The following DEPDC5 variants were observed in gnomAD, a reference collection of about 807,000 sequenced individuals.
DEPDC5 encodes the protein GATOR1 complex protein DEPDC5.
A neutral mutation model predicts 217.3 loss-of-function variants in DEPDC5; 73 were observed. The ratio of observed to expected loss-of-function variants is 0.34; its 90% CI spans 0.28 to 0.41. The LOEUF (loss-of-function observed/expected upper bound fraction) is 0.41. Among genes scored for constraint, DEPDC5 ranks in the 10% least tolerant of loss-of-function variants. The pLI, the probability that DEPDC5 is intolerant of heterozygous loss-of-function variation, is 1.00. For missense variants in DEPDC5, 1,675 were observed against 2,070.1 expected, an observed-to-expected ratio of 0.81 and a Z score of 3.70; for synonymous variants, 733 against 756.7, an observed-to-expected ratio of 0.97 and a Z score of 0.51.
intron 38 of DEPDC5, among the ~76,000 whole-genome samples, chr22:31,883,567 ATCT>A (rs2093233721): frequency 6.6e-6 from 1 of 152,190 alleles, no homozygotes. Context: ...AGAGCAGAAA[ATCT>A]TCATTAATCT....
At chr22:31,792,213 C>T in intron 11 of DEPDC5, 111 bp downstream of exon 11, 1 of 766,314 alleles carries the variant, frequency 1.3e-6, no homozygotes, top group South Asian at 1.6e-5. Context: ...CCCTTCCCAT[C>T]TTTTCTGTTA....
intron 10 of DEPDC5, among the ~76,000 whole-genome samples, chr22:31,790,327 A>G (rs917161668): frequency 6.6e-6 from 1 of 152,184 alleles, no homozygotes; most frequent in Admixed American, 6.5e-5. Flanking sequence ...TTGTCTTCAG[A>G]GACCCAGGAG....
intron 31 of DEPDC5, among the ~76,000 whole-genome samples, chr22:31,855,522 G>A (rs1427772003): frequency 6.6e-6 from 1 of 151,390 alleles, no homozygotes; most frequent in Non-Finnish European, 1.5e-5. Context: ...GACTACAGGC[G>A]CCCGCCACAA....
At position 31,855,247 on chromosome 22, in the gene DEPDC5, G is replaced by A. The variant is rs193021195; in HGVS notation, c.3156-2198G>A. The stretch of plus-strand genomic sequence containing the variant: ...CAAAGTCCTGGGATAACAGGTGTGA[G>A]CCACTGTGCCCAGCTAAAAAAATTT... On this transcript the variant is annotated intron_variant, in intron 31 of 42. Transcript: ENST00000651528. Among the ~76,000 whole-genome samples the A allele has an allele frequency of 1.5e-3, 228 of 152,246 alleles. 1 individual carries two copies. The highest frequency in any genetic ancestry group is 2.7e-3 in the Non-Finnish European group (182 of 68,012).
rs749028698 is a variant in DEPDC5 at position 31,819,177 on chromosome 22, A to G, written c.1822A>G (p.Met608Val). 3 of 1,614,166 alleles carry G rather than the reference A, an allele frequency of 1.9e-6. No individual in the cohort carries two copies. ...INPFAPSRMPMKLTSNRRRWM... is the reference protein window; with the variant it reads ...INPFAPSRMPVKLTSNRRRWM... ...CCCCTTCGCTCCCTCTCGGATGCCC[A>G]TGAAGCTTACGTCCAACAGAAGGCG... is the stretch of plus-strand genomic sequence containing the variant. The change falls in exon 22 of 43, where the codon ATG becomes GTG. Residue 608 changes from methionine to valine, a missense_variant. Around this residue, in one of 11 missense-constraint regions of DEPDC5, gnomAD observed 628 missense variants for 762.1 expected, o/e 0.82. Transcript: ENST00000651528.
chr22:31,891,781 G>T lies in DEPDC5; in HGVS notation c.4034-1801G>T, dbSNP rs145236468. On this transcript the variant is annotated intron_variant, in intron 38 of 42. Transcript: ENST00000651528. ...ATCTCTTAAGACTGTGCCTCAGGGA[G>T]GCAAAAAACAAACAGAAACCCTAGG... 2.5e-3 allele frequency among the ~76,000 whole-genome samples: 380 copies of T among 152,278 alleles called. 1 individual carries two copies. Among genetic ancestry groups the T allele is most frequent in the African/African-American group, 8.9e-3 (370 of 41,558 alleles).
intron 32 of DEPDC5, among the ~76,000 whole-genome samples, chr22:31,859,842 A>T (rs2092449617): frequency 6.6e-6 from 1 of 152,222 alleles, no homozygotes; most frequent in African/African-American, 2.4e-5. Context: ...GCTGACCATG[A>T]GTCTTTTCAC....
At chr22:31,866,894 C>T (rs1287990542) in intron 33 of DEPDC5, among the ~76,000 whole-genome samples, 1 of 152,238 alleles carries the variant, frequency 6.6e-6, no homozygotes, top group Non-Finnish European at 1.5e-5. Flanking sequence ...TCACTGGCGA[C>T]GATAATCTTC....
intron 26 of DEPDC5, 68 bp downstream of exon 26, chr22:31,837,223 C>T (rs2091071581): frequency 6.5e-7 from 1 of 1,533,000 alleles, no homozygotes; most frequent in Admixed American, 1.8e-5. Flanking sequence ...ACACATGCAT[C>T]AGAACACTGG....
chr22:31,766,806 G>T, intron 6 of DEPDC5, 138 bp downstream of exon 6: 3 of 708,242 alleles, frequency 4.2e-6, no homozygotes, highest in East Asian at 2.8e-5. Flanking sequence ...CGTCTTCTGT[G>T]TTCTTCCATT....
rs986618805 is a variant in DEPDC5, at chr22:31,864,934, A to G, written c.3330+3501A>G. 3.3e-5 allele frequency among the ~76,000 whole-genome samples: 5 copies of G among 151,776 alleles called. No individual in the cohort carries two copies. In the East Asian group the frequency reaches 9.7e-4, roughly 29 times the overall value. ...TCCAACTCCTGACCTCAAGTGATCC[A>G]CCCGCCTTGGCCTCCCAAAGTGCTG... On this transcript the variant is annotated intron_variant, in intron 33 of 42. Transcript: ENST00000651528.
At chr22:31,863,319 A>C (rs2092578735) in intron 33 of DEPDC5, among the ~76,000 whole-genome samples, 1 of 152,164 alleles carries the variant, frequency 6.6e-6, no homozygotes, top group African/African-American at 2.4e-5. Flanking sequence ...GGTGTGCACC[A>C]CAACGCCCGG....
chr22:31,851,214 A>T (rs2092010623), intron 31 of DEPDC5, among the ~76,000 whole-genome samples: 1 of 152,188 alleles, frequency 6.6e-6, no homozygotes, highest in African/African-American at 2.4e-5. Flanking sequence ...CAGTCATGCT[A>T]GCTGGCTGGC....
At chr22:31,882,055 G>A (rs2093191083) in intron 38 of DEPDC5, among the ~76,000 whole-genome samples, 1 of 151,858 alleles carries the variant, frequency 6.6e-6, no homozygotes, top group Non-Finnish European at 1.5e-5. Context: ...AACAAAGGTG[G>A]AGTGGGGAAA....
At chr22:31,903,756 TC>T (rs1353965464) in intron 41 of DEPDC5, among the ~76,000 whole-genome samples, 1 of 146,748 alleles carries the variant, frequency 6.8e-6, no homozygotes, top group East Asian at 2.1e-4. Flanking sequence ...TCTCCCCTGT[TC>T]CACACCTGTC....
intron 26 of DEPDC5, 197 bp downstream of exon 26, chr22:31,837,352 C>CA: frequency 1.8e-6 from 1 of 544,510 alleles, no homozygotes; most frequent in Non-Finnish European, 3.0e-6. Context: ...TTTTTTTTTC[C>CA]TTTTTTTTTT....
intron 31 of DEPDC5, among the ~76,000 whole-genome samples, chr22:31,855,034 G>T (rs985568215): frequency 6.7e-6 from 1 of 149,162 alleles, no homozygotes; most frequent in South Asian, 2.1e-4. Flanking sequence ...GCACAATCTC[G>T]GCTCACTGCA....
chr22:31,882,963 A>T (rs1042397347), intron 38 of DEPDC5, among the ~76,000 whole-genome samples: 1 of 152,146 alleles, frequency 6.6e-6, no homozygotes, highest in African/African-American at 2.4e-5. Flanking sequence ...GAAAGGAATT[A>T]TTCTAATGTG....
intron 11 of DEPDC5, 112 bp from the exon 12 acceptor site, chr22:31,792,630 AAAG>A: frequency 3.1e-5 from 19 of 614,952 alleles, no homozygotes; most frequent in South Asian, 1.7e-4. Flanking sequence ...AAAAAAAAAA[AAAG>A]ACAGTTATCT....
Sources: allele counts gnomAD v4.1 joint callset (sites outside exome capture counted in the v4.1 genomes callset), GRCh38; gene constraint gnomAD v4.1.1; regional missense constraint gnomAD v4.1.1; transcripts MANE v1.5; gene names NCBI Gene and HGNC (gene_info 2026-07-23, HGNC 2026-07-21).